TUT7: variants seen among roughly 807,000 people sequenced by gnomAD.
The protein encoded by TUT7 is terminal uridylyl transferase 7.
A neutral mutation model predicts 165.9 loss-of-function variants in TUT7; 33 were observed. The observed-to-expected ratio is 0.20, with a 90% CI of 0.15 to 0.27. The LOEUF is 0.27. TUT7 is among the 10% of genes least tolerant of loss of function. The pLI is 1.00. For missense variants in TUT7, 1,338 were observed against 1,762.3 expected (o/e 0.76, Z 4.31); for synonymous variants, 552 against 608.1 (o/e 0.91, Z 1.36).
At chr9:86,288,852 G>T in intron 26 of TUT7, 108 bp from the exon 27 acceptor site, 1 of 733,508 alleles carries the variant, frequency 1.4e-6, no homozygotes, top group Non-Finnish European at 2.3e-6. Flanking sequence ...CTTCATACTA[G>T]AATTGGTCAC....
intron 20 of TUT7, 64 bp downstream of exon 20, chr9:86,309,396 AGAG>A: frequency 6.8e-7 from 1 of 1,479,794 alleles, no homozygotes; most frequent in African/African-American, 1.4e-5. Flanking sequence ...ACAGAATTTT[AGAG>A]GAGGAGAAAG....
chr9:86,302,710 G>A (rs1293181590), intron 25 of TUT7, among the ~76,000 whole-genome samples: 1 of 149,576 alleles, frequency 6.7e-6, no homozygotes, highest in Non-Finnish European at 1.5e-5. Context: ...TCTGCCTCCC[G>A]GGTTCAAGCG....
intron 15 of TUT7, 119 bp downstream of exon 15, chr9:86,319,465 G>T: frequency 4.2e-6 from 3 of 707,148 alleles, no homozygotes; most frequent in Non-Finnish European, 6.9e-6. Flanking sequence ...GGACCATCCT[G>T]GGTATATTGC....
chr9:86,295,844 T>G (rs1311565371), intron 26 of TUT7, among the ~76,000 whole-genome samples: 1 of 151,920 alleles, frequency 6.6e-6, no homozygotes. Flanking sequence ...TAGACAGAGG[T>G]AGTTTTTTTT....
Position 86,349,077 on chromosome 9 carries a change from G to A in TUT7, c.521-2597C>T, listed in dbSNP as rs575672690. ...GTGGATCACCTGAGGTCGGGAGTTC[G>A]AGACCATCCTGGCCAACATGGTGAA... On this transcript the variant is annotated intron_variant, in intron 2 of 26. Transcript: ENST00000375963. Among the ~76,000 whole-genome samples, 10 of 152,062 alleles carry A rather than the reference G, an allele frequency of 6.6e-5. No homozygotes were observed. The South Asian group carries it at 1.7e-3, about 25-fold the overall frequency.
intron 17 of TUT7, among the ~76,000 whole-genome samples, chr9:86,316,055 G>A (rs1402555549): frequency 1.3e-5 from 2 of 152,144 alleles, no homozygotes; most frequent in South Asian, 2.1e-4. Context: ...TTCATGGACA[G>A]ACCATGGATT....
Position 86,305,180 on chromosome 9 carries a change from G to A in TUT7, c.3886+12C>T, listed in dbSNP as rs746877808. 3.1e-6 allele frequency: 5 copies of A among 1,590,538 alleles called. No homozygotes were observed. Among genetic ancestry groups the A allele is most frequent in the East Asian group, 2.3e-5 (1 of 44,348 alleles). On this transcript the variant is annotated intron_variant, in intron 23 of 26. Coordinates refer to ENST00000375963, the MANE Select transcript of TUT7 (RefSeq NM_024617.4). Reference sequence around the variant, plus strand: ...AAAATAAAAAATAAAATTGACAAACGAAGTAACTCACTTTTCCTTGATAAT... The same window carrying A: ...AAAATAAAAAATAAAATTGACAAACAAAGTAACTCACTTTTCCTTGATAAT...
chr9:86,345,352 T>C (rs1043621065), intron 4 of TUT7, among the ~76,000 whole-genome samples, 198 bp from the exon 5 acceptor site: 2 of 152,160 alleles, frequency 1.3e-5, no homozygotes, highest in African/African-American at 2.4e-5. Context: ...AGAGGATAGG[T>C]GGGCATAAGG....
intron 26 of TUT7, among the ~76,000 whole-genome samples, chr9:86,292,744 T>C (rs184189342): frequency 4.0e-5 from 6 of 151,664 alleles, no homozygotes; most frequent in Admixed American, 2.6e-4. Flanking sequence ...ACTGCACTCC[T>C]ACCTGGGTGA....
At chr9:86,291,815 G>T (rs1482363005) in intron 26 of TUT7, among the ~76,000 whole-genome samples, 1 of 152,116 alleles carries the variant, frequency 6.6e-6, no homozygotes, top group East Asian at 1.9e-4. Context: ...ATGCACATAA[G>T]CTATGACCTA....
chr9:86,313,530 CAG>C (rs968072819), intron 17 of TUT7, among the ~76,000 whole-genome samples: 15 of 152,252 alleles, frequency 9.9e-5, no homozygotes, highest in African/African-American at 3.6e-4. Context: ...CCTCATCTTA[CAG>C]ATGAGGAAAC....
chr9:86,315,034 A>G lies in TUT7; in HGVS notation c.3274+2185T>C, dbSNP rs554291545. On this transcript the variant is annotated intron_variant, in intron 17 of 26. Coordinates refer to ENST00000375963, the MANE Select transcript of TUT7 (RefSeq NM_024617.4). ...CTCTTCTTAGAAGTTATTTAATTGAATATTACCTTACATTGTTACATAGTT... is the reference window on the plus strand; with the variant it reads ...CTCTTCTTAGAAGTTATTTAATTGAGTATTACCTTACATTGTTACATAGTT... 4.3e-4 allele frequency among the ~76,000 whole-genome samples: 65 copies of G among 152,328 alleles called. 1 individual carries two copies. The highest frequency in any genetic ancestry group is 3.4e-3 in the Middle Eastern group (1 of 294).
At chr9:86,306,030 T>C (rs888879377) in intron 22 of TUT7, among the ~76,000 whole-genome samples, 1 of 152,236 alleles carries the variant, frequency 6.6e-6, no homozygotes, top group Non-Finnish European at 1.5e-5. Context: ...AAAAGCACTA[T>C]TTCTAAATCC....
At chr9:86,339,923 G>A in intron 8 of TUT7, 113 bp downstream of exon 8, 4 of 819,722 alleles carry the variant, frequency 4.9e-6, no homozygotes, top group Non-Finnish European at 6.2e-6. Flanking sequence ...AACCATGTGT[G>A]ATAACCAAAT....
chr9:86,301,068 A>AT (rs1184555300), intron 26 of TUT7, among the ~76,000 whole-genome samples: 1 of 152,220 alleles, frequency 6.6e-6, no homozygotes, highest in Non-Finnish European at 1.5e-5. Flanking sequence ...AATGACTCTC[A>AT]TAAGACTCTA....
intron 5 of TUT7, among the ~76,000 whole-genome samples, chr9:86,344,352 C>A (rs1467772910): frequency 1.3e-5 from 2 of 152,090 alleles, no homozygotes; most frequent in Non-Finnish European, 2.9e-5. Flanking sequence ...CAAGGATTGA[C>A]AGCAGTTGTG....
intron 14 of TUT7, among the ~76,000 whole-genome samples, chr9:86,320,579 A>G (rs1829182302): frequency 6.6e-6 from 1 of 152,220 alleles, no homozygotes; most frequent in African/African-American, 2.4e-5. Flanking sequence ...GAGAGAAGGG[A>G]GTGTGTAGTG....
intron 21 of TUT7, among the ~76,000 whole-genome samples, chr9:86,308,869 CCTTGG>C (rs1277776453): frequency 1.3e-5 from 2 of 152,054 alleles, no homozygotes; most frequent in Non-Finnish European, 2.9e-5. Flanking sequence ...ATTCTAAGAG[CCTTGG>C]TAATACGTAG....
rs183597296 is a variant in TUT7, at chr9:86,352,714, T to C, written c.486A>G (p.Leu162=). 3.7e-6 allele frequency: 6 copies of C among 1,614,252 alleles called. No homozygotes were observed. Among genetic ancestry groups the C allele is most frequent in the Non-Finnish European group, 4.2e-6 (5 of 1,180,050 alleles). ...CTGCTTCCATTTCTGACGTGGTTTC[T>C]AGGCTTGTTAGGTCTTTATGAAACA... ...RRLFHKDLTS[L]ETTSEMEAGS... Residue 162 remains leucine, a synonymous_variant, in exon 2 of 27, where the codon CTA becomes CTG. Transcript: ENST00000375963.
Sources: gnomAD v4.1 joint callset for allele counts (sites outside exome capture counted in the v4.1 genomes callset) on GRCh38, gnomAD v4.1.1 for gene constraint, MANE v1.5 for transcripts, NCBI Gene and HGNC (gene_info 2026-07-23, HGNC 2026-07-21) for gene names.